Variants in PARP8 observed in about 807,000 individuals in gnomAD.
The protein encoded by PARP8 is protein mono-ADP-ribosyltransferase PARP8.
A neutral mutation model predicts 124.1 loss-of-function variants in PARP8; 51 were observed. The observed-to-expected ratio is 0.41, with a 90% CI of 0.33 to 0.52. The LOEUF is 0.52. Ranked by LOEUF, PARP8 falls within the 20% of genes least tolerant of loss-of-function variation. PARP8 has a pLI of 0.21. For missense variants in PARP8, 860 were observed against 1,018.9 expected (o/e 0.84, Z 2.12); for synonymous variants, 391 against 361.5 (o/e 1.08, Z -0.93).
intron 2 of PARP8, among the ~76,000 whole-genome samples, chr5:50,727,579 G>T (rs562954740): frequency 1.3e-5 from 2 of 152,252 alleles, no homozygotes; most frequent in Admixed American, 1.3e-4. Context: ...GTGAATGTCA[G>T]TTATGGTCTA....
chr5:50,782,953 T>C (rs1350097948), intron 9 of PARP8, among the ~76,000 whole-genome samples: 1 of 152,078 alleles, frequency 6.6e-6, no homozygotes, highest in Non-Finnish European at 1.5e-5. Flanking sequence ...GGGGCTGGAA[T>C]GACACGGGAA....
At chr5:50,796,453 A>T (rs1327487602) in intron 12 of PARP8, among the ~76,000 whole-genome samples, 1 of 152,222 alleles carries the variant, frequency 6.6e-6, no homozygotes, top group East Asian at 1.9e-4. Context: ...AATGTAGAAC[A>T]ACTGCACAGT....
At chr5:50,775,172 C>G (rs1739841215) in intron 7 of PARP8, among the ~76,000 whole-genome samples, 1 of 152,190 alleles carries the variant, frequency 6.6e-6, no homozygotes, top group African/African-American at 2.4e-5. Flanking sequence ...CGGGCAGAGG[C>G]TGTAATCTTA....
chr5:50,687,890 C>G (rs775345317), intron 2 of PARP8, among the ~76,000 whole-genome samples: 1 of 152,174 alleles, frequency 6.6e-6, no homozygotes, highest in African/African-American at 2.4e-5. Context: ...GGGACACAGC[C>G]AAACCATATC....
At chr5:50,697,356 C>T (rs187441427) in intron 2 of PARP8, among the ~76,000 whole-genome samples, 32 of 152,240 alleles carry the variant, frequency 2.1e-4, no homozygotes, top group Admixed American at 3.3e-4. Flanking sequence ...TGAATAGAAT[C>T]CCAGAATCTT....
intron 25 of PARP8, among the ~76,000 whole-genome samples, chr5:50,838,266 T>C (rs908297728): frequency 1.3e-5 from 2 of 152,068 alleles, no homozygotes; most frequent in African/African-American, 4.8e-5. Flanking sequence ...CCTTGCTCAC[T>C]ACAGTAGTCA....
In PARP8 at chr5:50,794,244, A is replaced by G. The variant is rs540913126; in HGVS notation, c.775A>G (p.Ser259Gly). 6.2e-7 allele frequency: 1 copy of G among 1,613,646 alleles called. No homozygotes were observed. The highest frequency in any genetic ancestry group is 1.7e-5 in the Admixed American group (1 of 60,004). The change falls in exon 11 of 26, where the codon AGC (serine) becomes GGC (glycine). Residue 259 changes from serine (S) to glycine (G), a missense_variant. Physicochemically the swap from Ser to Gly is moderately conservative, Grantham distance 56 (BLOSUM62 0). Transcript: ENST00000281631. Reference sequence around the variant, plus strand: ...ATTTGTTACACAGCAGTGGAAACAGAGCAAAGAAAAATCCAATTGCCTGCA... The same window carrying G: ...ATTTGTTACACAGCAGTGGAAACAGGGCAAAGAAAAATCCAATTGCCTGCA... ...QTFVTQQWKQ[S>G]KEKSNCLHNK...
intron 25 of PARP8, among the ~76,000 whole-genome samples, 155 bp downstream of exon 25, chr5:50,835,170 TA>T (rs1048761355): frequency 1.3e-5 from 2 of 152,176 alleles, no homozygotes; most frequent in African/African-American, 2.4e-5. Context: ...AGTAAGCCAT[TA>T]AAAAAATCTA....
Position 50,761,862 on chromosome 5 carries a change from T to A in PARP8, c.387T>A (p.Gly129=). 6.2e-7 allele frequency: 1 copy of A among 1,605,004 alleles called. No individual in the cohort carries two copies. The highest frequency in any genetic ancestry group is 8.5e-7 in the Non-Finnish European group (1 of 1,173,864). The change falls in exon 6 of 26, where the codon GGT becomes GGA. Residue 129 remains glycine, a synonymous_variant. Transcript: ENST00000281631. The part of the protein sequence containing the change: ...QNSTVEEDSE[G]DNDSEEFYYG... Reference sequence around the variant, plus strand: ...GTACAGTGGAGGAAGATTCTGAAGGTGACAATGATTCCGAAGAATTTTATT... The same window carrying A: ...GTACAGTGGAGGAAGATTCTGAAGGAGACAATGATTCCGAAGAATTTTATT...
chr5:50,668,217 C>T (rs1309552267), intron 2 of PARP8, 92 bp downstream of exon 2: 43 of 1,240,144 alleles, frequency 3.5e-5, no homozygotes, highest in Non-Finnish European at 4.2e-5. Context: ...ATTTTGGTTG[C>T]TTGTTTGTTT....
At chr5:50,821,173 A>C in intron 15 of PARP8, 40 bp from the exon 16 acceptor site, 1 of 1,611,708 alleles carries the variant, frequency 6.2e-7, no homozygotes, top group South Asian at 1.1e-5. Flanking sequence ...CACTGGATAA[A>C]ACCTGAAGGG....
Position 50,797,194 on chromosome 5 carries a change from T to C in PARP8, c.1536T>C (p.Cys512=), listed in dbSNP as rs1272116422. ...TATTAAATGAATATTGTGTGGTTTGTGATGAGCCACATGTGTTTCAAAATG... is the reference window on the plus strand; with the variant it reads ...TATTAAATGAATATTGTGTGGTTTGCGATGAGCCACATGTGTTTCAAAATG... ...IPVLNEYCVV[C]DEPHVFQNGP... The change falls in exon 14 of 26, where the codon TGT becomes TGC. Residue 512 remains cysteine (C), a synonymous_variant. Transcript: ENST00000281631. 2 of 1,612,558 alleles carry C rather than the reference T, an allele frequency of 1.2e-6. No individual in the cohort carries two copies. The highest frequency in any genetic ancestry group is 3.3e-5 in the Admixed American group (2 of 59,944).
intron 2 of PARP8, among the ~76,000 whole-genome samples, chr5:50,716,879 T>A (rs994655134): frequency 3.9e-5 from 6 of 152,116 alleles, no homozygotes; most frequent in Admixed American, 1.3e-4. Flanking sequence ...ATAAACATAC[T>A]GTAAGTTTAG....
chr5:50,750,254 G>C, intron 3 of PARP8, 66 bp downstream of exon 3: 1 of 1,337,444 alleles, frequency 7.5e-7, no homozygotes, highest in African/African-American at 1.5e-5. Flanking sequence ...TTTTCTTCTG[G>C]AGATGTAAAA....
At chr5:50,780,293 A>T (rs1424582875) in intron 9 of PARP8, among the ~76,000 whole-genome samples, 1 of 152,096 alleles carries the variant, frequency 6.6e-6, no homozygotes, top group Non-Finnish European at 1.5e-5. Flanking sequence ...CTTTTTTCTT[A>T]TTTTAGTGAT....
chr5:50,700,240 T>G (rs1753452145), intron 2 of PARP8, among the ~76,000 whole-genome samples: 1 of 152,208 alleles, frequency 6.6e-6, no homozygotes, highest in African/African-American at 2.4e-5. Flanking sequence ...TTTTATCTGT[T>G]GCTACTATGC....
At chr5:50,679,441 T>G (rs62366941) in intron 2 of PARP8, among the ~76,000 whole-genome samples, 77,548 of 152,070 alleles carry the variant, frequency 0.51, 21,526 homozygotes, top group East Asian at 0.64. Flanking sequence ...TGTATTTCCC[T>G]TTCTTTAGTT....
chr5:50,777,865 T>C (rs1171079150), intron 7 of PARP8, among the ~76,000 whole-genome samples: 1 of 152,140 alleles, frequency 6.6e-6, no homozygotes, highest in Non-Finnish European at 1.5e-5. Context: ...TACAAGACAA[T>C]AGAAAGATAT....
chr5:50,818,017 C>A (rs1363257479), intron 15 of PARP8, among the ~76,000 whole-genome samples: 1 of 152,116 alleles, frequency 6.6e-6, no homozygotes, highest in African/African-American at 2.4e-5. Context: ...TCCTAAGTAT[C>A]TTAGTCAACT....
Sources: allele counts gnomAD v4.1 joint callset (sites outside exome capture counted in the v4.1 genomes callset), GRCh38; gene constraint gnomAD v4.1.1; transcripts MANE v1.5; gene names NCBI Gene and HGNC (gene_info 2026-07-23, HGNC 2026-07-21).